The following CRTC3 variants were observed in gnomAD, a reference collection of about 807,000 sequenced individuals.
The protein encoded by CRTC3 is CREB-regulated transcription coactivator 3.
In CRTC3, 26 loss-of-function variants were observed where a neutral mutation model predicts 74.5. The ratio of observed to expected loss-of-function variants is 0.35; its 90% CI spans 0.26 to 0.48. CRTC3 has a LOEUF of 0.48. CRTC3 is among the 20% of genes least tolerant of loss of function. The pLI is 0.99. For missense variants in CRTC3, 760 were observed against 787.3 expected (o/e 0.97, Z 0.41); for synonymous variants, 377 against 325.8 (o/e 1.16, Z -1.69).
rs139597233 is a variant in CRTC3 at position 90,538,981 on chromosome 15, G to T, written c.133-1058G>T. On this transcript the variant is annotated intron_variant, in intron 1 of 14. Coordinates refer to ENST00000268184, the MANE Select transcript of CRTC3 (RefSeq NM_022769.5). ...AGAGTACAGTCTCATTTGCATGGTT[G>T]TGGGGAGGATTAGGGATGAAGTGGG... is the stretch of plus-strand genomic sequence containing the variant. 1.8e-4 allele frequency among the ~76,000 whole-genome samples: 27 copies of T among 152,284 alleles called. No individual in the cohort carries two copies. In the East Asian group the frequency reaches 4.2e-3, roughly 24 times the overall value.
intron 2 of CRTC3, among the ~76,000 whole-genome samples, chr15:90,553,595 G>A (rs144576105): frequency 2.6e-5 from 4 of 152,284 alleles, no homozygotes; most frequent in East Asian, 3.9e-4. Flanking sequence ...GCGGGGAAAC[G>A]TTGGTCCCAC....
At chr15:90,572,732 T>C (rs557438898) in intron 2 of CRTC3, among the ~76,000 whole-genome samples, 27 of 152,086 alleles carry the variant, frequency 1.8e-4, no homozygotes, top group Non-Finnish European at 2.5e-4. Flanking sequence ...TGCGTCACCA[T>C]ACCCAGCTAA....
rs115268220 is a variant in CRTC3 at position 90,638,779 on chromosome 15, G to A, written c.1512G>A (p.Gln504=). 7.7e-4 allele frequency: 1,247 copies of A among 1,614,180 alleles called. 16 individuals carry two copies. The African/African-American group carries it at 0.015, about 20-fold the overall frequency. ...TNFFPDVGFD[Q]QSMRPGPAFP... Reference sequence around the variant, plus strand: ...TCTTCCCAGATGTGGGTTTTGACCAGCAGTCCATGAGGCCAGGCCCTGCCT... The same window carrying A: ...TCTTCCCAGATGTGGGTTTTGACCAACAGTCCATGAGGCCAGGCCCTGCCT... Residue 504 remains glutamine (Q), a synonymous_variant, in exon 13 of 15, where the codon CAG becomes CAA. Coordinates refer to ENST00000268184, the MANE Select transcript of CRTC3 (RefSeq NM_022769.5).
intron 2 of CRTC3, among the ~76,000 whole-genome samples, chr15:90,590,238 A>G (rs1967768830): frequency 6.6e-6 from 1 of 151,832 alleles, no homozygotes; most frequent in African/African-American, 2.4e-5. Context: ...GGCTGCAGTG[A>G]GCCAAGATCA....
intron 11 of CRTC3, chr15:90,637,811 C>T (rs1969295827): frequency 6.6e-6 from 1 of 152,530 alleles, no homozygotes; most frequent in African/African-American, 2.4e-5. Flanking sequence ...TGTCCCCAGT[C>T]CCAGAGCCCT....
At chr15:90,602,244 T>C (rs1432037756) in intron 3 of CRTC3, 80 bp from the exon 4 acceptor site, 1 of 851,538 alleles carries the variant, frequency 1.2e-6, no homozygotes, top group Non-Finnish European at 1.9e-6. Flanking sequence ...ACTCAGTTGT[T>C]TAACTCTCTG....
intron 1 of CRTC3, among the ~76,000 whole-genome samples, chr15:90,531,811 G>GTCTGTA (rs1966631510): frequency 6.6e-6 from 1 of 152,148 alleles, no homozygotes; most frequent in Non-Finnish European, 1.5e-5. Context: ...CACTGTATAT[G>GTCTGTA]TCTGTATACC....
intron 2 of CRTC3, among the ~76,000 whole-genome samples, chr15:90,572,075 T>G (rs1362275813): frequency 6.6e-6 from 1 of 151,024 alleles, no homozygotes; most frequent in Admixed American, 6.6e-5. Context: ...GGCAGGAGAA[T>G]TGCCTGAGCC....
intron 1 of CRTC3, among the ~76,000 whole-genome samples, chr15:90,537,376 C>A (rs1421162925): frequency 3.3e-5 from 5 of 152,132 alleles, no homozygotes; most frequent in Middle Eastern, 3.2e-3. Flanking sequence ...TCACATCATC[C>A]GATTCCAGGT....
intron 2 of CRTC3, among the ~76,000 whole-genome samples, chr15:90,589,500 G>A (rs1967749020): frequency 1.3e-5 from 2 of 152,166 alleles, no homozygotes; most frequent in Non-Finnish European, 1.5e-5. Context: ...AGCACTACAG[G>A]TGCACATCAC....
chr15:90,533,123 G>A (rs1331852015), intron 1 of CRTC3, among the ~76,000 whole-genome samples: 1 of 118,338 alleles, frequency 8.5e-6, no homozygotes, highest in Non-Finnish European at 1.8e-5. Context: ...AAAAAAAAAG[G>A]CCGGGCGCGG....
intron 2 of CRTC3, among the ~76,000 whole-genome samples, chr15:90,582,252 C>T (rs987589250): frequency 6.6e-6 from 1 of 152,288 alleles, no homozygotes; most frequent in Non-Finnish European, 1.5e-5. Context: ...CCCTCACCAC[C>T]CAAAGATATC....
intron 11 of CRTC3, among the ~76,000 whole-genome samples, chr15:90,633,965 T>G (rs1310458366): frequency 6.6e-6 from 1 of 152,124 alleles, no homozygotes; most frequent in Non-Finnish European, 1.5e-5. Flanking sequence ...ATTCCACAGA[T>G]GCAATATCAT....
chr15:90,638,378 C>T, intron 11 of CRTC3, 68 bp from the exon 12 acceptor site: 1 of 1,376,978 alleles, frequency 7.3e-7, no homozygotes, highest in Non-Finnish European at 1.0e-6. Context: ...CTGACATTTC[C>T]TAATCCTAAA....
chr15:90,623,329 C>T (rs574911695), intron 9 of CRTC3, among the ~76,000 whole-genome samples: 1 of 152,312 alleles, frequency 6.6e-6, no homozygotes, highest in East Asian at 1.9e-4. Flanking sequence ...CGGTTGCCTC[C>T]TGTACGTAAC....
At chr15:90,639,782 T>C (rs1969373361) in intron 13 of CRTC3, among the ~76,000 whole-genome samples, 1 of 147,992 alleles carries the variant, frequency 6.8e-6, no homozygotes, top group African/African-American at 2.5e-5. Flanking sequence ...GCATAGTGGC[T>C]CACGCCTGTA....
chr15:90,586,326 TG>T (rs1241010710), intron 2 of CRTC3, among the ~76,000 whole-genome samples: 1 of 151,802 alleles, frequency 6.6e-6, no homozygotes, highest in African/African-American at 2.4e-5. Flanking sequence ...GTTTTCTGCA[TG>T]TTTTTAATAT....
At chr15:90,601,606 T>C (rs1201623593) in intron 3 of CRTC3, among the ~76,000 whole-genome samples, 1 of 152,048 alleles carries the variant, frequency 6.6e-6, no homozygotes, top group African/African-American at 2.4e-5. Flanking sequence ...TGAGCCGAGA[T>C]TGCGCCATTG....
At chr15:90,548,120 C>A (rs1966847779) in intron 2 of CRTC3, among the ~76,000 whole-genome samples, 1 of 151,726 alleles carries the variant, frequency 6.6e-6, no homozygotes, top group Non-Finnish European at 1.5e-5. Flanking sequence ...AACTCCTGAG[C>A]TCAAGCGATC....
Sources: allele counts gnomAD v4.1 joint callset (sites outside exome capture counted in the v4.1 genomes callset), GRCh38; gene constraint gnomAD v4.1.1; transcripts MANE v1.5; gene names NCBI Gene and HGNC (gene_info 2026-07-23, HGNC 2026-07-21).